The following PRKN variants were observed in gnomAD, a reference collection of about 807,000 sequenced individuals.
PRKN encodes E3 ubiquitin-protein ligase parkin.
A neutral mutation model predicts 59.5 loss-of-function variants in PRKN; 56 were observed. The ratio of observed to expected loss-of-function variants is 0.94; its 90% CI spans 0.76 to 1.18. The LOEUF is 1.18. Ranked by LOEUF, PRKN falls within the 50% of genes most tolerant of loss-of-function variation. PRKN has a pLI of 0.00. For synonymous variants in PRKN, 250 were observed against 222.1 expected, an observed-to-expected ratio of 1.13 and a Z score of -1.12; for missense variants, 657 against 596.4, an observed-to-expected ratio of 1.10 and a Z score of -1.06.
In PRKN at chr6:161,889,817, C is replaced by G. The variant is rs141350415; in HGVS notation, c.734+83485G>C. Among the ~76,000 whole-genome samples, 927 of 152,290 alleles carry G rather than the reference C, an allele frequency of 6.1e-3. 7 individuals are homozygous for G. Among genetic ancestry groups the G allele is most frequent in the Middle Eastern group, 0.017 (5 of 294 alleles). Reference sequence around the variant, plus strand: ...GTTTTGTTAAAGAAACTGCAGAACTCTTCAGAGAATATAGGGCTAATGAAA... The same window carrying G: ...GTTTTGTTAAAGAAACTGCAGAACTGTTCAGAGAATATAGGGCTAATGAAA... On this transcript the variant is annotated intron_variant, in intron 6 of 11. Coordinates refer to ENST00000366898, the MANE Select transcript of PRKN (RefSeq NM_004562.3).
chr6:161,775,066 C>T (rs749593507), intron 7 of PRKN, among the ~76,000 whole-genome samples: 3 of 151,996 alleles, frequency 2.0e-5, no homozygotes, highest in Non-Finnish European at 2.9e-5. Context: ...TCTGTTTCAG[C>T]GAGGCAGGCA....
At chr6:161,897,912 A>G (rs1777706518) in intron 6 of PRKN, among the ~76,000 whole-genome samples, 1 of 132,070 alleles carries the variant, frequency 7.6e-6, no homozygotes, top group Admixed American at 8.7e-5. Context: ...GCTTGCAGTG[A>G]GCTGAGATCG....
intron 1 of PRKN, among the ~76,000 whole-genome samples, chr6:162,634,844 G>C (rs376687124): frequency 6.6e-6 from 1 of 152,076 alleles, no homozygotes; most frequent in Non-Finnish European, 1.5e-5. Flanking sequence ...GCATGGTCTC[G>C]ATCTCTTGAC....
At chr6:161,620,405 A>G (rs1204535966) in intron 7 of PRKN, among the ~76,000 whole-genome samples, 1 of 152,210 alleles carries the variant, frequency 6.6e-6, no homozygotes, top group East Asian at 1.9e-4. Context: ...ATTCTCAGGA[A>G]AATGAATGAC....
chr6:162,472,065 G>A (rs1299118888), intron 1 of PRKN, among the ~76,000 whole-genome samples: 1 of 152,138 alleles, frequency 6.6e-6, no homozygotes, highest in East Asian at 1.9e-4. Context: ...ACTGGGGAAC[G>A]CTTTGTGGAT....
intron 1 of PRKN, among the ~76,000 whole-genome samples, chr6:162,546,247 G>A (rs1006888380): frequency 6.6e-6 from 1 of 151,708 alleles, no homozygotes; most frequent in African/African-American, 2.4e-5. Context: ...GGCATTATAG[G>A]CGTGCGCCAC....
chr6:162,006,837 T>G (rs1052964783), intron 5 of PRKN, among the ~76,000 whole-genome samples: 1 of 152,118 alleles, frequency 6.6e-6, no homozygotes, highest in Non-Finnish European at 1.5e-5. Flanking sequence ...ACTAAGAAAT[T>G]TATTTCTCTT....
rs1291823413 is a variant in PRKN, at chr6:161,552,833, G to A, written c.934-3830C>T. 3.4e-5 allele frequency among the ~76,000 whole-genome samples: 5 copies of A among 145,236 alleles called. No homozygotes were observed. The highest frequency in any genetic ancestry group is 6.0e-5 in the Non-Finnish European group (4 of 66,864). ...TTTTTAGACGGAGTCTCGTTGTTAC[G>A]CGGCTGGAGTACAGTGGCGCAATCT... On this transcript the variant is annotated intron_variant, in intron 8 of 11. Transcript: ENST00000366898. This position sits in a 1 kb window ranked among gnomAD's most constrained non-coding sequence, Gnocchi z 4.9.
At chr6:162,211,633 C>T (rs1477968860) in intron 3 of PRKN, among the ~76,000 whole-genome samples, 1 of 152,222 alleles carries the variant, frequency 6.6e-6, no homozygotes, top group African/African-American at 2.4e-5. Flanking sequence ...CCTCCAAACT[C>T]CCACATTCTT....
chr6:162,623,355 A>T (rs905440499), intron 1 of PRKN, among the ~76,000 whole-genome samples: 2 of 152,212 alleles, frequency 1.3e-5, no homozygotes, highest in Non-Finnish European at 2.9e-5. Context: ...ATCAGTGATC[A>T]CTTAGATGAA....
chr6:161,511,346 C>A (rs1190995663), intron 9 of PRKN, among the ~76,000 whole-genome samples: 1 of 152,092 alleles, frequency 6.6e-6, no homozygotes, highest in Non-Finnish European at 1.5e-5. Flanking sequence ...TAAACTTTTG[C>A]AACAAAATGA....
intron 6 of PRKN, among the ~76,000 whole-genome samples, chr6:161,966,134 G>T (rs1484029825): frequency 1.3e-5 from 2 of 151,866 alleles, no homozygotes; most frequent in African/African-American, 4.9e-5. Flanking sequence ...TTTCTTCCTT[G>T]TCTCATAATG....
At chr6:162,645,527 A>G (rs1202106375) in intron 1 of PRKN, among the ~76,000 whole-genome samples, 9 of 152,094 alleles carry the variant, frequency 5.9e-5, no homozygotes, top group Admixed American at 5.2e-4. Context: ...AAAGTCAGGG[A>G]TTCCTTAATT....
In PRKN at chr6:161,400,147, T is replaced by C. The variant is rs1391697127; in HGVS notation, c.1084-13270A>G. Among the ~76,000 whole-genome samples, 1 of 151,930 alleles carries C rather than the reference T, an allele frequency of 6.6e-6. No individual in the cohort carries two copies. The highest frequency in any genetic ancestry group is 2.4e-5 in the African/African-American group (1 of 41,328). On this transcript the variant is annotated intron_variant, in intron 9 of 11. Coordinates refer to ENST00000366898, the MANE Select transcript of PRKN (RefSeq NM_004562.3). This position sits in a 1 kb window ranked among gnomAD's most constrained non-coding sequence, Gnocchi z 4.2. ...CACCATGCTGGCCACCACGCTGGAC[T>C]GCGCAGGTCTACAAGGACCCTGCTG...
At chr6:162,486,120 C>A (rs958020713) in intron 1 of PRKN, among the ~76,000 whole-genome samples, 1 of 152,132 alleles carries the variant, frequency 6.6e-6, no homozygotes, top group Admixed American at 6.5e-5. Context: ...CCCCTCTCCA[C>A]CCAACCCCCT....
chr6:161,385,094 T>A lies in PRKN; in HGVS notation c.1167+1700A>T, dbSNP rs1786178139. Among the ~76,000 whole-genome samples the A allele has an allele frequency of 6.6e-6, 1 of 152,114 alleles. No individual in the cohort carries two copies. Among genetic ancestry groups the A allele is most frequent in the Non-Finnish European group, 1.5e-5 (1 of 68,026 alleles). On this transcript the variant is annotated intron_variant, in intron 10 of 11. Coordinates refer to ENST00000366898, the MANE Select transcript of PRKN (RefSeq NM_004562.3). This position sits in a 1 kb window ranked among gnomAD's most constrained non-coding sequence, Gnocchi z 4.9. ...ACAGGTGCACGCCACCACACCCAGCTAATTTTTGTATTTTTAGTAGAGACG... is the reference window on the plus strand; with the variant it reads ...ACAGGTGCACGCCACCACACCCAGCAAATTTTTGTATTTTTAGTAGAGACG...
At chr6:161,690,293 A>C (rs1005924555) in intron 7 of PRKN, among the ~76,000 whole-genome samples, 1 of 152,114 alleles carries the variant, frequency 6.6e-6, no homozygotes, top group African/African-American at 2.4e-5. Flanking sequence ...CACTCTGGCC[A>C]TTGAGAGTTT....
At chr6:161,998,896 T>C (rs1330821202) in intron 5 of PRKN, among the ~76,000 whole-genome samples, 1 of 152,146 alleles carries the variant, frequency 6.6e-6, no homozygotes, top group Admixed American at 6.6e-5. Flanking sequence ...TCAGTTTGTT[T>C]CCAAAGATGA....
chr6:161,882,434 G>C (rs1445245352), intron 6 of PRKN, among the ~76,000 whole-genome samples: 7 of 152,134 alleles, frequency 4.6e-5, no homozygotes, highest in African/African-American at 1.7e-4. Context: ...CCCCAGCCCA[G>C]GCGGCAGCTT....
Sources: gnomAD v4.1 joint callset for allele counts (sites outside exome capture counted in the v4.1 genomes callset) on GRCh38, gnomAD v4.1.1 for gene constraint, Gnocchi (gnomAD v3.1) non-coding constraint, MANE v1.5 for transcripts, NCBI Gene and HGNC (gene_info 2026-07-23, HGNC 2026-07-21) for gene names.